The following AUTS2 variants were observed in gnomAD, a reference collection of about 807,000 sequenced individuals.
The protein encoded by AUTS2 is activator of transcription and developmental regulator AUTS2.
AUTS2 carries 17 observed loss-of-function variants against 112.4 expected under a neutral mutation model. That is an observed-to-expected ratio of 0.15 (90% CI 0.10 to 0.23). AUTS2 has a LOEUF of 0.23. AUTS2 is among the 10% of genes least tolerant of loss of function. The probability of loss-of-function intolerance (pLI) is 1.00; values close to 1 mark genes in which losing one functional copy is unlikely to be tolerated. For synonymous variants in AUTS2, 751 were observed against 702.7 expected, an observed-to-expected ratio of 1.07 and a Z score of -1.09; for missense variants, 1,510 against 1,701.6, an observed-to-expected ratio of 0.89 and a Z score of 1.98.
At chr7:70,598,686 C>G (rs1439930525) in intron 5 of AUTS2, among the ~76,000 whole-genome samples, 1 of 152,198 alleles carries the variant, frequency 6.6e-6, no homozygotes, top group Non-Finnish European at 1.5e-5. Context: ...CCCCCAGATT[C>G]TCTTTCTGAC....
At chr7:70,651,131 T>G (rs1806484452) in intron 5 of AUTS2, among the ~76,000 whole-genome samples, 1 of 152,250 alleles carries the variant, frequency 6.6e-6, no homozygotes, top group Admixed American at 6.5e-5. Flanking sequence ...TGTCTTAACT[T>G]ATTTCATCCT....
At chr7:70,047,505 A>G (rs1801559962) in intron 2 of AUTS2, among the ~76,000 whole-genome samples, 1 of 152,174 alleles carries the variant, frequency 6.6e-6, no homozygotes, top group Admixed American at 6.5e-5. Context: ...AAATGTTGGG[A>G]TATTAAAAAG....
chr7:70,163,583 C>T (rs925432104), intron 4 of AUTS2, among the ~76,000 whole-genome samples: 1 of 152,016 alleles, frequency 6.6e-6, no homozygotes. Context: ...ATGAATCTCC[C>T]CCTGCTTTGC....
At chr7:69,801,564 G>C (rs144902135) in intron 1 of AUTS2, among the ~76,000 whole-genome samples, 1 of 151,476 alleles carries the variant, frequency 6.6e-6, no homozygotes, top group South Asian at 2.1e-4. Context: ...AAATATGTTT[G>C]TGTATGTATA....
At chr7:70,205,597 G>A (rs1810532859) in intron 4 of AUTS2, among the ~76,000 whole-genome samples, 1 of 152,180 alleles carries the variant, frequency 6.6e-6, no homozygotes, top group African/African-American at 2.4e-5. Context: ...GAGGTTTGTA[G>A]CCTAGGAGCA....
chr7:69,740,782 A>G (rs539248373), intron 1 of AUTS2, among the ~76,000 whole-genome samples: 17 of 152,248 alleles, frequency 1.1e-4, no homozygotes, highest in African/African-American at 4.1e-4. Flanking sequence ...TCGGCCTCCC[A>G]AGGTGCTGGG....
intron 5 of AUTS2, among the ~76,000 whole-genome samples, chr7:70,497,397 G>A (rs1241266152): frequency 2.6e-5 from 4 of 152,204 alleles, no homozygotes; most frequent in African/African-American, 7.2e-5. Context: ...TTTATCTAGG[G>A]CAAGTCAAAG....
In AUTS2 at chr7:70,726,934, T is replaced by C. The variant is rs76947681; in HGVS notation, c.742+28314T>C. Among the ~76,000 whole-genome samples the C allele has an allele frequency of 2.0e-4, 30 of 152,228 alleles. No individual in the cohort carries two copies. In the East Asian group the frequency reaches 5.6e-3, roughly 28 times the overall value. The stretch of plus-strand genomic sequence containing the variant: ...TTCTCTTTCCTCTCAGCTTTTAGAG[T>C]CTTTGATCAGGTAAATTCTAAAGGC... On this transcript the variant is annotated intron_variant, in intron 6 of 18. Transcript: ENST00000342771.
intron 5 of AUTS2, among the ~76,000 whole-genome samples, chr7:70,562,775 G>A (rs894538721): frequency 2.0e-5 from 3 of 152,186 alleles, no homozygotes; most frequent in African/African-American, 7.2e-5. Context: ...CTGAAGCCAT[G>A]CGTTATGAAG....
intron 5 of AUTS2, among the ~76,000 whole-genome samples, chr7:70,469,988 T>C (rs1165853661): frequency 1.3e-5 from 2 of 152,166 alleles, no homozygotes; most frequent in African/African-American, 2.4e-5. Flanking sequence ...TAGCACAGTG[T>C]GATGGGCTGG....
At chr7:70,589,096 C>T (rs965248911) in intron 5 of AUTS2, among the ~76,000 whole-genome samples, 14 of 152,194 alleles carry the variant, frequency 9.2e-5, no homozygotes, top group African/African-American at 3.1e-4. Flanking sequence ...AGGCAGCAAC[C>T]GTAAAAAGCG....
chr7:70,014,886 A>C (rs1156885928), intron 2 of AUTS2, among the ~76,000 whole-genome samples: 2 of 152,244 alleles, frequency 1.3e-5, no homozygotes, highest in African/African-American at 4.8e-5. Context: ...CTTCCAAAAA[A>C]GCATTTTCAG....
intron 6 of AUTS2, among the ~76,000 whole-genome samples, chr7:70,712,193 CTTTTTTTTTTTTTTTT>C (rs67326941): frequency 6.6e-5 from 3 of 45,178 alleles, no homozygotes; most frequent in South Asian, 1.1e-3. Context: ...GCCTGGCTCA[CTTTTTTTTTTTTTTTT>C]TTTTTTTTTT....
chr7:70,672,147 C>T (rs1474501091), intron 5 of AUTS2, among the ~76,000 whole-genome samples: 2 of 152,182 alleles, frequency 1.3e-5, no homozygotes, highest in African/African-American at 2.4e-5. Flanking sequence ...CAATCAGTGC[C>T]ACACTCCACC....
In AUTS2 at chr7:69,944,160, T is replaced by C. The variant is rs1796724500; in HGVS notation, c.522+44662T>C. On this transcript the variant is annotated intron_variant, in intron 2 of 18. Coordinates refer to ENST00000342771, the MANE Select transcript of AUTS2 (RefSeq NM_015570.4). ...GACAGTGTCCTCCATGACAGCTCTT[T>C]AACAGATGGCATAGAAACTCGACTT... Among the ~76,000 whole-genome samples the C allele has an allele frequency of 2.6e-5, 4 of 152,290 alleles. No homozygotes were observed. The Middle Eastern group carries it at 0.014, about 518-fold the overall frequency.
At chr7:70,560,885 G>A (rs1801459700) in intron 5 of AUTS2, among the ~76,000 whole-genome samples, 1 of 152,156 alleles carries the variant, frequency 6.6e-6, no homozygotes, top group Non-Finnish European at 1.5e-5. Context: ...CTTGAAAGTG[G>A]CAAAATCAAG....
At chr7:70,299,432 C>A (rs954931020) in intron 4 of AUTS2, among the ~76,000 whole-genome samples, 6 of 152,238 alleles carry the variant, frequency 3.9e-5, no homozygotes, top group African/African-American at 1.4e-4. Flanking sequence ...AGATGCACTA[C>A]TTGGCTGCTT....
chr7:70,521,171 C>T (rs550808767), intron 5 of AUTS2, among the ~76,000 whole-genome samples: 3 of 152,072 alleles, frequency 2.0e-5, no homozygotes, highest in African/African-American at 7.2e-5. Flanking sequence ...GAAAAAAGAC[C>T]CCAGGCTGTG....
intron 5 of AUTS2, among the ~76,000 whole-genome samples, chr7:70,617,367 T>C (rs1804427150): frequency 6.6e-6 from 1 of 151,924 alleles, no homozygotes; most frequent in South Asian, 2.1e-4. Context: ...CTATGATGAA[T>C]ATAAGAAGTT....
Sources: gnomAD v4.1 joint callset for allele counts (sites outside exome capture counted in the v4.1 genomes callset) on GRCh38, gnomAD v4.1.1 for gene constraint, MANE v1.5 for transcripts, NCBI Gene and HGNC (gene_info 2026-07-23, HGNC 2026-07-21) for gene names.